Variants in PTPRG observed in about 807,000 individuals in gnomAD.
PTPRG encodes the protein receptor-type tyrosine-protein phosphatase gamma.
Under a neutral mutation model 165.3 loss-of-function variants are expected in PTPRG, and 102 were observed. The observed-to-expected ratio is 0.62, with a 90% confidence interval of 0.53 to 0.73. The LOEUF (loss-of-function observed/expected upper bound fraction) is 0.73, where lower values mean the gene tolerates loss of function less well. Among genes scored for constraint, PTPRG ranks in the 30% least tolerant of loss-of-function variants. The pLI, the probability that PTPRG is intolerant of heterozygous loss-of-function variation, is 0.00. For missense variants in PTPRG, 1,866 were observed against 1,861.4 expected, an observed-to-expected ratio of 1.00 and a Z score of -0.05; for synonymous variants, 675 against 669.5, an observed-to-expected ratio of 1.01 and a Z score of -0.13.
At chr3:61,865,791 C>T (rs2037389837) in intron 2 of PTPRG, among the ~76,000 whole-genome samples, 1 of 152,210 alleles carries the variant, frequency 6.6e-6, no homozygotes, top group South Asian at 2.1e-4. Flanking sequence ...GATGGCCACA[C>T]AGCCGGAGCA....
chr3:61,634,333 G>T (rs1040299303), intron 1 of PTPRG, among the ~76,000 whole-genome samples: 5 of 151,946 alleles, frequency 3.3e-5, no homozygotes, highest in Non-Finnish European at 2.9e-5. Context: ...CGCCTCCCAG[G>T]TTCAAGCGAT....
intron 1 of PTPRG, among the ~76,000 whole-genome samples, chr3:61,677,297 T>TGG (rs980864822): frequency 6.6e-6 from 1 of 151,578 alleles, no homozygotes; most frequent in African/African-American, 2.4e-5. Flanking sequence ...ATGTTTAGTG[T>TGG]GGGACAGGTG....
chr3:61,647,761 C>G (rs532841825), intron 1 of PTPRG, among the ~76,000 whole-genome samples: 123 of 122,220 alleles, frequency 1.0e-3, no homozygotes, highest in Non-Finnish European at 1.8e-3. Flanking sequence ...CACTGCACTC[C>G]AGCCTGGGTG....
At chr3:61,563,227 C>A (rs1200240487) in intron 1 of PTPRG, among the ~76,000 whole-genome samples, 1 of 152,126 alleles carries the variant, frequency 6.6e-6, no homozygotes, top group Non-Finnish European at 1.5e-5. Context: ...CGCGCCCTGC[C>A]TACCTTCATC....
intron 1 of PTPRG, among the ~76,000 whole-genome samples, chr3:61,746,048 TTC>T (rs1209409757): frequency 1.5e-5 from 1 of 66,086 alleles, no homozygotes; most frequent in African/African-American, 5.5e-5. Context: ...TCTTTTTCTT[TTC>T]TTTTTTTTTT....
In PTPRG at chr3:62,214,183, A is replaced by C. The variant is rs147598073; in HGVS notation, c.2156-4668A>C. ...CTGTATGACTGCCACTTACACACTCAGATGTTACAGAGAGGAGTCAGATTC... is the reference window on the plus strand; with the variant it reads ...CTGTATGACTGCCACTTACACACTCCGATGTTACAGAGAGGAGTCAGATTC... On this transcript the variant is annotated intron_variant, in intron 12 of 29. Coordinates refer to ENST00000474889, the MANE Select transcript of PTPRG (RefSeq NM_002841.4). This position sits in a 1 kb window ranked among gnomAD's most constrained non-coding sequence, Gnocchi z 5.2. 4.1e-3 allele frequency among the ~76,000 whole-genome samples: 624 copies of C among 152,326 alleles called. No individual in the cohort carries two copies. Among genetic ancestry groups the C allele is most frequent in the Middle Eastern group, 0.037 (11 of 294 alleles).
At chr3:62,235,955 TC>T (rs1457032541) in intron 14 of PTPRG, among the ~76,000 whole-genome samples, 2 of 152,162 alleles carry the variant, frequency 1.3e-5, no homozygotes, top group Non-Finnish European at 2.9e-5. Context: ...CATTTGATTA[TC>T]CCCCAAAGCA....
At chr3:61,797,165 T>C (rs1319331269) in intron 2 of PTPRG, among the ~76,000 whole-genome samples, 1 of 152,224 alleles carries the variant, frequency 6.6e-6, no homozygotes, top group African/African-American at 2.4e-5. Context: ...ATCTGTGAAA[T>C]ACAGAAATGA....
rs373513928 is a variant in PTPRG at position 61,562,273 on chromosome 3, T to G, written c.-15T>G. 3.1e-6 allele frequency: 5 copies of G among 1,610,754 alleles called. No homozygotes were observed. The highest frequency in any genetic ancestry group is 4.2e-6 in the Non-Finnish European group (5 of 1,177,230). On this transcript the variant is annotated 5_prime_UTR_variant, in exon 1 of 30. It removes an upstream start codon present in the reference 5' UTR. Transcript: ENST00000474889. ...TACCTCCCTGCTTTCCTCTTTTCGATGTGCGTTTTCGGACATGCGGAGGTT... is the reference window on the plus strand; with the variant it reads ...TACCTCCCTGCTTTCCTCTTTTCGAGGTGCGTTTTCGGACATGCGGAGGTT...
chr3:62,239,917 G>GTT (rs1297913527), intron 14 of PTPRG, among the ~76,000 whole-genome samples: 1 of 151,972 alleles, frequency 6.6e-6, no homozygotes, highest in Non-Finnish European at 1.5e-5. Context: ...CTTTTCTTAG[G>GTT]TATTAAACAC....
chr3:61,717,896 C>G (rs555083337), intron 1 of PTPRG, among the ~76,000 whole-genome samples: 1 of 151,874 alleles, frequency 6.6e-6, no homozygotes, highest in African/African-American at 2.4e-5. Flanking sequence ...AAAACTAAGA[C>G]TCGACTGGGT....
intron 24 of PTPRG, 195 bp from the exon 25 acceptor site, chr3:62,276,777 C>T: frequency 1.8e-6 from 1 of 558,092 alleles, no homozygotes; most frequent in Non-Finnish European, 3.2e-6. Context: ...CTGTGTCCTT[C>T]TGGGTATGTG....
chr3:62,172,634 AT>A (rs1489021099), intron 8 of PTPRG, among the ~76,000 whole-genome samples: 2 of 152,192 alleles, frequency 1.3e-5, no homozygotes, highest in African/African-American at 4.8e-5. Flanking sequence ...CTGACACATC[AT>A]CAAACAGCCT....
At position 62,273,954 on chromosome 3, in the gene PTPRG, T is replaced by A; in HGVS notation, c.3465+110T>A. ...TAATGTATACACCGAAATGGATTAC[T>A]ATTTGTACTCCTTGTACTCCTTAAA... On this transcript the variant is annotated intron_variant, in intron 23 of 29. Coordinates refer to ENST00000474889, the MANE Select transcript of PTPRG (RefSeq NM_002841.4). This position sits in a 1 kb window ranked among gnomAD's most constrained non-coding sequence, Gnocchi z 4.1. The A allele has an allele frequency of 2.8e-6, 3 of 1,066,824 alleles. No homozygotes were observed. The highest frequency in any genetic ancestry group is 4.1e-6 in the Non-Finnish European group (3 of 732,510). The allele number at this position is 1,066,824 out of a possible 1,614,324, so 66.1% of individuals were successfully genotyped here. A position where few individuals can be genotyped will look rare whatever the true frequency, so the allele number is the denominator to read the frequency against.
intron 4 of PTPRG, among the ~76,000 whole-genome samples, chr3:62,069,669 C>G (rs1701138048): frequency 1.3e-5 from 2 of 148,330 alleles, no homozygotes; most frequent in African/African-American, 5.1e-5. Context: ...CTCTCTCTCT[C>G]TCTCTCTCTC....
chr3:61,726,280 T>C (rs555548986), intron 1 of PTPRG, among the ~76,000 whole-genome samples: 248 of 152,282 alleles, frequency 1.6e-3, no homozygotes, highest in African/African-American at 5.7e-3. Flanking sequence ...TACCATCTCT[T>C]TCAAGCGAAA....
chr3:62,258,915 C>T (rs1326152480), intron 16 of PTPRG, among the ~76,000 whole-genome samples: 1 of 152,114 alleles, frequency 6.6e-6, no homozygotes, highest in Non-Finnish European at 1.5e-5. Context: ...TTCCAAAAGA[C>T]CAGTGCTAGC....
intron 1 of PTPRG, among the ~76,000 whole-genome samples, chr3:61,711,737 T>C (rs893550427): frequency 2.0e-5 from 3 of 152,214 alleles, no homozygotes; most frequent in African/African-American, 7.2e-5. Context: ...TAAACAAATT[T>C]ACAAGTTTTC....
intron 4 of PTPRG, among the ~76,000 whole-genome samples, chr3:62,015,583 C>A (rs1044205123): frequency 1.3e-5 from 2 of 152,164 alleles, no homozygotes; most frequent in Non-Finnish European, 2.9e-5. Flanking sequence ...CTAATGCAAT[C>A]GTTCCACCCC....
Sources: gnomAD v4.1 joint callset for allele counts (sites outside exome capture counted in the v4.1 genomes callset) on GRCh38, gnomAD v4.1.1 for gene constraint, Gnocchi (gnomAD v3.1) non-coding constraint, MANE v1.5 for transcripts, NCBI Gene and HGNC (gene_info 2026-07-23, HGNC 2026-07-21) for gene names.